Variants in CORO7 observed in about 807,000 individuals in gnomAD.
CORO7 encodes the protein coronin 7.
Under a neutral mutation model 126.6 loss-of-function variants are expected in CORO7, and 107 were observed. The observed-to-expected ratio is 0.85, with a 90% CI of 0.72 to 0.99. The LOEUF is 0.99. CORO7 is among the 50% of genes least tolerant of loss of function. The pLI is 0.00. For missense variants in CORO7, 1,314 were observed against 1,255.8 expected, an observed-to-expected ratio of 1.05 and a Z score of -0.70; for synonymous variants, 603 against 536.8, an observed-to-expected ratio of 1.12 and a Z score of -1.70.
intron 9 of CORO7, chr16:4,381,879 C>G: frequency 6.2e-7 from 1 of 1,604,650 alleles, no homozygotes; most frequent in Non-Finnish European, 8.5e-7. Context: ...CGCCCAAGAA[C>G]GCTGGCCGGC....
At chr16:4,407,472 T>C (rs986786208) in intron 5 of CORO7, 29 bp downstream of exon 5, 4 of 1,555,326 alleles carry the variant, frequency 2.6e-6, no homozygotes, top group South Asian at 1.2e-5. Context: ...GGGGCTGCCC[T>C]GGGAAGGGCA....
At chr16:4,364,185 CAAAA>C (rs878921261) in intron 14 of CORO7, 87 bp downstream of exon 14, 9 of 1,130,938 alleles carry the variant, frequency 8.0e-6, no homozygotes, top group South Asian at 4.2e-5. Flanking sequence ...GACACTGTCT[CAAAA>C]AAAAAAAAAG....
At chr16:4,382,159 C>T in intron 9 of CORO7, 1 of 1,593,524 alleles carries the variant, frequency 6.3e-7, no homozygotes, top group Non-Finnish European at 8.5e-7. Context: ...ACGGCACCAC[C>T]TGGCGTGCTT....
chr16:4,403,089 C>T (rs372615735), intron 6 of CORO7, among the ~76,000 whole-genome samples: 3 of 152,232 alleles, frequency 2.0e-5, no homozygotes, highest in African/African-American at 4.8e-5. Flanking sequence ...TCAGGCAGCC[C>T]GTGGCATGAG....
chr16:4,384,672 T>C (rs1335354168), intron 9 of CORO7, among the ~76,000 whole-genome samples: 1 of 152,174 alleles, frequency 6.6e-6, no homozygotes, highest in Admixed American at 6.5e-5. Flanking sequence ...TAGCGGCTGC[T>C]GAGGGCTCTG....
intron 8 of CORO7, 128 bp from the exon 9 acceptor site, chr16:4,388,196 G>A: frequency 8.2e-7 from 1 of 1,213,578 alleles, no homozygotes; most frequent in Non-Finnish European, 1.2e-6. Context: ...AGGGCTTGGA[G>A]TGGGGGTGGG....
chr16:4,408,363 C>A, intron 3 of CORO7, 112 bp from the exon 4 acceptor site: 1 of 1,451,358 alleles, frequency 6.9e-7, no homozygotes, highest in Non-Finnish European at 9.5e-7. Flanking sequence ...AAACAGGCTA[C>A]AAGTCTACAA....
intron 6 of CORO7, among the ~76,000 whole-genome samples, chr16:4,403,212 C>T (rs1364482239): frequency 1.3e-5 from 2 of 152,194 alleles, no homozygotes; most frequent in South Asian, 4.1e-4. Flanking sequence ...AGGACAAGCC[C>T]TCGCTCTCTG....
chr16:4,405,446 A>G (rs1363545427), intron 6 of CORO7, 45 bp downstream of exon 6: 1 of 1,575,266 alleles, frequency 6.3e-7, no homozygotes. Context: ...CCAGCCCAGG[A>G]GGCCTGCACA....
intron 9 of CORO7, among the ~76,000 whole-genome samples, chr16:4,374,061 GTTCTT>G (rs2054626604): frequency 6.6e-6 from 1 of 152,086 alleles, no homozygotes; most frequent in Non-Finnish European, 1.5e-5. Flanking sequence ...ATTTGCGTGA[GTTCTT>G]GGAGAAGGGG....
At chr16:4,401,404 G>C (rs919892288) in intron 6 of CORO7, among the ~76,000 whole-genome samples, 1 of 152,204 alleles carries the variant, frequency 6.6e-6, no homozygotes, top group Admixed American at 6.5e-5. Context: ...CCTCAGCAGG[G>C]CCCTGGTTTT....
intron 9 of CORO7, among the ~76,000 whole-genome samples, chr16:4,373,068 G>A (rs1323275566): frequency 6.6e-6 from 1 of 152,116 alleles, no homozygotes; most frequent in Non-Finnish European, 1.5e-5. Flanking sequence ...GGTCCATTAG[G>A]GCCAGTCCAG....
chr16:4,374,100 T>C (rs2054628831), intron 9 of CORO7, among the ~76,000 whole-genome samples: 1 of 149,756 alleles, frequency 6.7e-6, no homozygotes, highest in Non-Finnish European at 1.5e-5. Context: ...TGTGTGTGTG[T>C]GTGTGTCTGC....
chr16:4,361,343 G>A lies in CORO7; in HGVS notation c.1687+18C>T. ...GACCCAGGACCCTCCCTCAAGCCCA[G>A]GCACCCAGCCTCCTTACCCACAGCG... is the stretch of plus-strand genomic sequence containing the variant. On this transcript the variant is annotated intron_variant, in intron 17 of 27. Transcript: ENST00000251166. The A allele has an allele frequency of 5.6e-6, 9 of 1,611,520 alleles. No homozygotes were observed. The highest frequency in any genetic ancestry group is 4.0e-5 in the African/African-American group (3 of 75,008).
At chr16:4,373,778 GC>G (rs1215152774) in intron 9 of CORO7, among the ~76,000 whole-genome samples, 1 of 152,164 alleles carries the variant, frequency 6.6e-6, no homozygotes, top group Admixed American at 6.5e-5. Context: ...AGAAAGCAGG[GC>G]CCTGCTGAGC....
At position 4,357,184 on chromosome 16, in the gene CORO7, T is replaced by C; in HGVS notation, c.2669A>G (p.Gln890Arg). 1.2e-6 allele frequency: 2 copies of C among 1,613,854 alleles called. No individual in the cohort carries two copies. Among genetic ancestry groups the C allele is most frequent in the East Asian group, 2.2e-5 (1 of 44,860 alleles). Residue 890 changes from glutamine to arginine, a missense_variant, in exon 26 of 28, where the codon CAG becomes CGG. Transcript: ENST00000251166. ...SAQYLEEKSD[Q>R]QKKEELLNAM... ...CATGCCTACCTCCTCCTTCTTTTGC[T>C]GGTCAGACTTTTCTTCCAGGTACTG... is the stretch of plus-strand genomic sequence containing the variant.
chr16:4,368,672 C>T (rs1248676944), intron 9 of CORO7, among the ~76,000 whole-genome samples: 4 of 148,780 alleles, frequency 2.7e-5, no homozygotes, highest in South Asian at 2.1e-4. Context: ...CACTTGAACC[C>T]GGGAGGCGGA....
rs747462056 is a variant in CORO7, at chr16:4,359,341, AGGGGACTCG to A, written c.2286_2294del (p.Glu763_Pro765del). The A allele has an allele frequency of 2.5e-6, 4 of 1,613,050 alleles. No individual in the cohort carries two copies. Among genetic ancestry groups the A allele is most frequent in the Non-Finnish European group, 3.4e-6 (4 of 1,179,794 alleles). ...TGAAGCTGTTGCACTCCAGGAAGAA[AGGGGACTCG>A]GGGAGCAGCTCGTACAGGAATACAC... On this transcript the variant is annotated inframe_deletion, in exon 23 of 28. Transcript: ENST00000251166.
chr16:4,384,272 T>C (rs2055111626), intron 9 of CORO7, among the ~76,000 whole-genome samples: 1 of 152,220 alleles, frequency 6.6e-6, no homozygotes, highest in African/African-American at 2.4e-5. Flanking sequence ...GTGCCCAGGC[T>C]TTCTGGAAAC....
Sources: allele counts gnomAD v4.1 joint callset (sites outside exome capture counted in the v4.1 genomes callset), GRCh38; gene constraint gnomAD v4.1.1; transcripts MANE v1.5; gene names NCBI Gene and HGNC (gene_info 2026-07-23, HGNC 2026-07-21).